Variants in UTRN observed in about 807,000 individuals in gnomAD.
The protein encoded by UTRN is utrophin, also known as dystrophin-related protein 1.
A neutral mutation model predicts 463.9 loss-of-function variants in UTRN; 283 were observed. The observed-to-expected ratio is 0.61, with a 90% confidence interval of 0.55 to 0.67. UTRN has a LOEUF of 0.67. UTRN is among the 30% of genes least tolerant of loss of function. The pLI is 0.00. For missense variants in UTRN, 3,922 were observed against 4,084.3 expected (o/e 0.96, Z 1.08); for synonymous variants, 1,442 against 1,431.5 (o/e 1.01, Z -0.17).
At position 144,797,438 on chromosome 6, in the gene UTRN, G is replaced by A. The variant is rs537033156; in HGVS notation, c.9079-386G>A. Among the ~76,000 whole-genome samples the A allele has an allele frequency of 7.2e-5, 11 of 152,176 alleles. No individual in the cohort carries two copies. In the South Asian group the frequency reaches 1.5e-3, roughly 20 times the overall value. On this transcript the variant is annotated intron_variant, in intron 63 of 74. Transcript: ENST00000367545. ...TCAAACTCCTGAGCTCAGGCAATCCGCTTGCCTCGGCCTCCCAAAGTGCTA... is the reference window on the plus strand; with the variant it reads ...TCAAACTCCTGAGCTCAGGCAATCCACTTGCCTCGGCCTCCCAAAGTGCTA...
intron 65 of UTRN, among the ~76,000 whole-genome samples, chr6:144,804,406 T>G (rs1424070928): frequency 6.6e-6 from 1 of 152,180 alleles, no homozygotes; most frequent in Admixed American, 6.6e-5. Context: ...AAATTAATAT[T>G]GAACATTTTG....
Position 144,410,265 on chromosome 6 carries a change from T to G in UTRN, c.141+7081T>G, listed in dbSNP as rs1783769041. On this transcript the variant is annotated intron_variant, in intron 3 of 74. Coordinates refer to ENST00000367545, the MANE Select transcript of UTRN (RefSeq NM_007124.3). The stretch of plus-strand genomic sequence containing the variant: ...TTACCAGTGCCTCACCCTAGTCTCA[T>G]GGAAGCCTATCTTTTGAAGGACTGC... 4.6e-5 allele frequency among the ~76,000 whole-genome samples: 7 copies of G among 152,222 alleles called. No homozygotes were observed. The South Asian group carries it at 1.4e-3, about 32-fold the overall frequency.
At chr6:144,723,032 T>A (rs1018185929) in intron 53 of UTRN, among the ~76,000 whole-genome samples, 1 of 152,254 alleles carries the variant, frequency 6.6e-6, no homozygotes, top group Non-Finnish European at 1.5e-5. Flanking sequence ...TCAATTCTAA[T>A]GACTGACAGT....
chr6:144,490,315 G>A, intron 31 of UTRN, 116 bp downstream of exon 31: 2 of 1,398,518 alleles, frequency 1.4e-6, no homozygotes, highest in South Asian at 1.4e-5. Flanking sequence ...TAAACCATGG[G>A]ATGGGAGTGA....
intron 2 of UTRN, among the ~76,000 whole-genome samples, chr6:144,379,005 T>C (rs1229511054): frequency 6.6e-6 from 1 of 152,208 alleles, no homozygotes. Flanking sequence ...GAAAGTGCTT[T>C]TCCGTAGTTG....
intron 23 of UTRN, among the ~76,000 whole-genome samples, chr6:144,466,600 C>T (rs1789986369): frequency 6.6e-6 from 1 of 152,166 alleles, no homozygotes; most frequent in African/African-American, 2.4e-5. Context: ...TTTGAAAATA[C>T]ATGAAATGGG....
At chr6:144,558,490 C>A (rs995827648) in intron 50 of UTRN, among the ~76,000 whole-genome samples, 1 of 152,088 alleles carries the variant, frequency 6.6e-6, no homozygotes, top group Non-Finnish European at 1.5e-5. Flanking sequence ...TTAAAAACAG[C>A]TTTAACCTTA....
At chr6:144,672,188 G>C (rs1186245365) in intron 51 of UTRN, among the ~76,000 whole-genome samples, 1 of 151,756 alleles carries the variant, frequency 6.6e-6, no homozygotes, top group Admixed American at 6.6e-5. Context: ...ATTTAGGGAG[G>C]ATTTCCTCTT....
intron 53 of UTRN, among the ~76,000 whole-genome samples, chr6:144,703,384 A>G (rs1256020591): frequency 6.6e-6 from 1 of 152,214 alleles, no homozygotes; most frequent in Non-Finnish European, 1.5e-5. Flanking sequence ...ATGAGTTAGA[A>G]GAAAGATCAG....
intron 57 of UTRN, among the ~76,000 whole-genome samples, chr6:144,757,250 A>AAG (rs909755862): frequency 6.6e-6 from 1 of 151,150 alleles, no homozygotes; most frequent in African/African-American, 2.4e-5. Context: ...AAAAAAAAAA[A>AAG]AAAAAGTACC....
chr6:144,640,984 A>T (rs908050762), intron 51 of UTRN, among the ~76,000 whole-genome samples: 4 of 152,200 alleles, frequency 2.6e-5, no homozygotes, highest in African/African-American at 9.6e-5. Context: ...AGTTATTAGT[A>T]GTACAAACTG....
chr6:144,794,119 G>A, intron 63 of UTRN, 128 bp downstream of exon 63: 1 of 1,306,418 alleles, frequency 7.7e-7, no homozygotes, highest in Non-Finnish European at 1.0e-6. Flanking sequence ...TCCAACAAGT[G>A]GTGTATTTTA....
chr6:144,825,214 T>C (rs1030742052), intron 66 of UTRN, among the ~76,000 whole-genome samples: 1 of 152,122 alleles, frequency 6.6e-6, no homozygotes, highest in African/African-American at 2.4e-5. Context: ...TGTAGCAGAG[T>C]CTGCTTTCTG....
At position 144,438,765 on chromosome 6, in the gene UTRN, A is replaced by T. The variant is rs941557549; in HGVS notation, c.1262A>T (p.Glu421Val). The change falls in exon 12 of 75, where the codon GAA (glutamate) becomes GTA (valine). Residue 421 changes from glutamate (E) to valine (V), a missense_variant. Physicochemically the swap from Glu to Val is moderately radical, Grantham distance 121. Transcript: ENST00000367545. ...RQSRLHDVLMELQKKQLQQLS... is the reference protein window; with the variant it reads ...RQSRLHDVLMVLQKKQLQQLS... ...GACAGGCTGCACGATGTGCTGATGG[A>T]ACTGCAGAAGAAGCAACTGCAGCAG... 8.1e-6 allele frequency: 13 copies of T among 1,614,106 alleles called. No homozygotes were observed. Among genetic ancestry groups the T allele is most frequent in the Non-Finnish European group, 1.1e-5 (13 of 1,180,048 alleles).
intron 50 of UTRN, among the ~76,000 whole-genome samples, chr6:144,562,143 A>G (rs534985566): frequency 2.0e-5 from 3 of 152,238 alleles, no homozygotes; most frequent in Non-Finnish European, 2.9e-5. Context: ...CAAAAGTCCA[A>G]CCATCCTGGG....
chr6:144,466,321 G>T (rs1789959498), intron 23 of UTRN, among the ~76,000 whole-genome samples: 1 of 152,178 alleles, frequency 6.6e-6, no homozygotes. Flanking sequence ...GCTGTTAGTT[G>T]TGTGCGAATT....
At chr6:144,820,498 A>G (rs1268699278) in intron 65 of UTRN, among the ~76,000 whole-genome samples, 1 of 124,260 alleles carries the variant, frequency 8.0e-6, no homozygotes, top group South Asian at 2.7e-4. Flanking sequence ...GGTTAAAACC[A>G]CAATACTCTG....
At chr6:144,457,947 C>T (rs975383881) in intron 19 of UTRN, among the ~76,000 whole-genome samples, 3 of 151,986 alleles carry the variant, frequency 2.0e-5, no homozygotes, top group Admixed American at 6.5e-5. Flanking sequence ...TGAAGATTTC[C>T]CATACTTTTT....
intron 2 of UTRN, among the ~76,000 whole-genome samples, chr6:144,343,535 G>A (rs2114635602): frequency 6.6e-6 from 1 of 152,166 alleles, no homozygotes; most frequent in Non-Finnish European, 1.5e-5. Context: ...ACTCCAGCCT[G>A]GGTGACGAGT....
Sources: allele counts gnomAD v4.1 joint callset (sites outside exome capture counted in the v4.1 genomes callset), GRCh38; gene constraint gnomAD v4.1.1; transcripts MANE v1.5; gene names NCBI Gene and HGNC (gene_info 2026-07-23, HGNC 2026-07-21).